Variants in PHF14 observed in about 807,000 individuals in gnomAD.
PHF14 encodes the protein PHD finger protein 14.
Under a neutral mutation model 117.9 loss-of-function variants are expected in PHF14, and 55 were observed. The observed-to-expected ratio is 0.47, with a 90% CI of 0.38 to 0.58. The LOEUF (loss-of-function observed/expected upper bound fraction) is 0.58, where lower values mean the gene tolerates loss of function less well. Ranked by LOEUF, PHF14 falls within the 20% of genes least tolerant of loss-of-function variation. The pLI is 0.00. For synonymous variants in PHF14, 409 were observed against 368.6 expected, an observed-to-expected ratio of 1.11 and a Z score of -1.26; for missense variants, 978 against 1,122.2, an observed-to-expected ratio of 0.87 and a Z score of 1.84.
At chr7:11,116,421 C>T (rs547575440) in intron 17 of PHF14, among the ~76,000 whole-genome samples, 14 of 152,094 alleles carry the variant, frequency 9.2e-5, no homozygotes, top group South Asian at 2.1e-4. Flanking sequence ...TGTAGGTATA[C>T]GTATTCATAC....
At chr7:10,982,351 T>C in intron 2 of PHF14, 21 bp from the exon 3 acceptor site, 2 of 1,508,192 alleles carry the variant, frequency 1.3e-6, no homozygotes, top group Non-Finnish European at 1.8e-6. Context: ...TGTGGTTTTT[T>C]TTTTCTCATA....
rs1461051343 is a variant in PHF14 at position 11,169,493 on chromosome 7, G to T, written c.*3G>T. ...AACAGAAAAATCCAAAGAAATAAAA[G>T]ATTTTCTGTAGTGTTTTTGAAAAGT... is the stretch of plus-strand genomic sequence containing the variant. On this transcript the variant is annotated 3_prime_UTR_variant, in exon 18 of 18. Coordinates refer to ENST00000634607, the MANE Select transcript of PHF14 (RefSeq NM_001007157.2). 1 of 1,419,578 alleles carries T rather than the reference G, an allele frequency of 7.0e-7. No homozygotes were observed. Among genetic ancestry groups the T allele is most frequent in the East Asian group, 2.5e-5 (1 of 40,756 alleles). 87.9% of individuals were successfully genotyped at this position (1,419,578 alleles called of 1,614,324 possible). A position where few individuals can be genotyped will look rare whatever the true frequency, so the allele number is the denominator to read the frequency against.
At chr7:11,107,929 A>C (rs111914745) in intron 16 of PHF14, 1,882 of 166,060 alleles carry the variant, frequency 0.011, 29 homozygotes, top group African/African-American at 0.043. Flanking sequence ...GCTTTTAGGT[A>C]GCAGATGATT....
intron 16 of PHF14, among the ~76,000 whole-genome samples, chr7:11,096,135 T>C (rs1583461901): frequency 6.6e-6 from 1 of 152,204 alleles, no homozygotes; most frequent in East Asian, 1.9e-4. Context: ...CAAAGTTCAT[T>C]TTGGTTCTTT....
At chr7:11,144,191 A>T (rs967918864) in intron 17 of PHF14, among the ~76,000 whole-genome samples, 2 of 152,136 alleles carry the variant, frequency 1.3e-5, no homozygotes, top group African/African-American at 2.4e-5. Context: ...TAGAATGGCC[A>T]TAATCAAAAA....
At chr7:10,975,032 G>T in intron 2 of PHF14, 87 bp downstream of exon 2, 1 of 734,038 alleles carries the variant, frequency 1.4e-6, no homozygotes, top group Admixed American at 2.9e-5. Flanking sequence ...TGATTAAAAT[G>T]CCAATTTTAA....
chr7:11,017,014 T>C (rs1783557359), intron 5 of PHF14, among the ~76,000 whole-genome samples: 1 of 152,210 alleles, frequency 6.6e-6, no homozygotes. Flanking sequence ...TGTCTTGCTG[T>C]GCCTGGCTTA....
At chr7:11,042,158 G>A (rs899886723) in intron 12 of PHF14, among the ~76,000 whole-genome samples, 9 of 151,740 alleles carry the variant, frequency 5.9e-5, no homozygotes, top group African/African-American at 9.6e-5. Context: ...TTTTTAAAAC[G>A]CAAAATTCAG....
intron 17 of PHF14, among the ~76,000 whole-genome samples, chr7:11,137,689 G>A (rs1018285379): frequency 2.1e-5 from 3 of 145,258 alleles, no homozygotes; most frequent in African/African-American, 5.1e-5. Context: ...AGGTTCAAGC[G>A]ATTCTCCTAC....
chr7:11,048,468 A>C (rs1360709063), intron 13 of PHF14, among the ~76,000 whole-genome samples: 2 of 152,130 alleles, frequency 1.3e-5, no homozygotes, highest in Admixed American at 6.5e-5. Flanking sequence ...GCTACTCGGG[A>C]GGCTGAGGCA....
chr7:11,061,617 A>G (rs750585126), intron 14 of PHF14, 174 bp from the exon 15 acceptor site: 1 of 409,308 alleles, frequency 2.4e-6, no homozygotes, highest in Non-Finnish European at 4.4e-6. Flanking sequence ...TTCCTATGGC[A>G]TAAATGGTAA....
intron 17 of PHF14, among the ~76,000 whole-genome samples, chr7:11,113,864 T>C (rs1787520675): frequency 6.6e-6 from 1 of 152,168 alleles, no homozygotes; most frequent in African/African-American, 2.4e-5. Flanking sequence ...CAGAAGCTTT[T>C]ACATTCGGAA....
At chr7:11,019,909 A>T (rs535088256) in intron 5 of PHF14, among the ~76,000 whole-genome samples, 12 of 151,884 alleles carry the variant, frequency 7.9e-5, no homozygotes, top group Non-Finnish European at 1.8e-4. Flanking sequence ...TATCCCATAG[A>T]TTTTGGTATG....
chr7:11,051,074 C>A (rs1392450376), intron 13 of PHF14, among the ~76,000 whole-genome samples: 1 of 152,104 alleles, frequency 6.6e-6, no homozygotes, highest in Non-Finnish European at 1.5e-5. Flanking sequence ...GGGTCTTGCT[C>A]ATGTTACCCA....
intron 16 of PHF14, among the ~76,000 whole-genome samples, chr7:11,099,798 A>G (rs1043645372): frequency 1.3e-5 from 2 of 152,082 alleles, no homozygotes; most frequent in African/African-American, 4.8e-5. Flanking sequence ...AGATTTCAAA[A>G]CAAATATACA....
At chr7:11,075,227 C>G (rs1785787273) in intron 16 of PHF14, among the ~76,000 whole-genome samples, 1 of 152,204 alleles carries the variant, frequency 6.6e-6, no homozygotes, top group African/African-American at 2.4e-5. Context: ...GTGTGGGCCA[C>G]TGCACCTGGC....
At chr7:11,079,200 C>T (rs889158408) in intron 16 of PHF14, among the ~76,000 whole-genome samples, 1 of 152,126 alleles carries the variant, frequency 6.6e-6, no homozygotes, top group Non-Finnish European at 1.5e-5. Flanking sequence ...TCTAATTCTG[C>T]TCTATGTCTC....
intron 16 of PHF14, among the ~76,000 whole-genome samples, chr7:11,075,051 C>A (rs1785779516): frequency 6.6e-6 from 1 of 151,700 alleles, no homozygotes; most frequent in Non-Finnish European, 1.5e-5. Context: ...AATTTTCCTG[C>A]CTCAGCCTCC....
intron 16 of PHF14, chr7:11,107,528 T>C (rs1420157660): frequency 1.1e-6 from 1 of 884,670 alleles, no homozygotes; most frequent in Non-Finnish European, 1.4e-6. Context: ...ATAGTGTTAA[T>C]GTGTACAGTG....
Sources: allele counts gnomAD v4.1 joint callset (sites outside exome capture counted in the v4.1 genomes callset), GRCh38; gene constraint gnomAD v4.1.1; transcripts MANE v1.5; gene names NCBI Gene and HGNC (gene_info 2026-07-23, HGNC 2026-07-21).